NAV2: variants seen among roughly 807,000 people sequenced by gnomAD.
The protein encoded by NAV2 is helicase, APC down-regulated 1.
NAV2 carries 54 observed loss-of-function variants against 223.2 expected under a neutral mutation model. The observed-to-expected ratio is 0.24, with a 90% CI of 0.19 to 0.30. NAV2 has a LOEUF of 0.30. Ranked by LOEUF, NAV2 falls within the 10% of genes least tolerant of loss-of-function variation. The probability of loss-of-function intolerance (pLI) is 1.00; values close to 1 mark genes in which losing one functional copy is unlikely to be tolerated. For missense variants in NAV2, 2,806 were observed against 3,147.5 expected (o/e 0.89, Z 2.60); for synonymous variants, 1,279 against 1,239.3 (o/e 1.03, Z -0.67).
rs144642336 is a variant in NAV2 at position 19,897,886 on chromosome 11, T to TTTTATATATATATATATATATATATA, written c.931+5293_931+5294insTTATATATATATATATATATATATAT. Among the ~76,000 whole-genome samples the TTTTATATATATATATATATATATATA allele has an allele frequency of 1.1e-4, 13 of 120,680 alleles. No individual in the cohort carries two copies. In the South Asian group the frequency reaches 1.6e-3, roughly 15 times the overall value. 79.2% of individuals were successfully genotyped at this position (120,680 alleles called of 152,430 possible). Reference sequence around the variant, plus strand: ...GCCACAGCTGTGCCTGACCTGTGATTTATATATATATATATATATGTGAGC... The same window carrying TTTTATATATATATATATATATATATA: ...GCCACAGCTGTGCCTGACCTGTGATTTTTATATATATATATATATATATATATATATATATATATATATATGTGAGC... On this transcript the variant is annotated intron_variant, in intron 6 of 37. Coordinates refer to ENST00000349880, the MANE Select transcript of NAV2 (RefSeq NM_145117.5).
intron 3 of NAV2, among the ~76,000 whole-genome samples, chr11:19,854,243 C>T (rs1318055041): frequency 1.3e-5 from 2 of 151,974 alleles, no homozygotes; most frequent in East Asian, 1.9e-4. Context: ...AAAAATTTGC[C>T]GTGAAGTGGA....
chr11:19,932,742 T>C (rs2045495711), intron 6 of NAV2, among the ~76,000 whole-genome samples: 1 of 152,244 alleles, frequency 6.6e-6, no homozygotes, highest in African/African-American at 2.4e-5. Context: ...TTTTCTATTT[T>C]TGTAATTGTT....
At chr11:19,677,333 G>T (rs1389075547) in intron 1 of NAV2, among the ~76,000 whole-genome samples, 1 of 152,250 alleles carries the variant, frequency 6.6e-6, no homozygotes, top group Non-Finnish European at 1.5e-5. Context: ...GTGACAGCTT[G>T]CAGAGGTCCC....
chr11:19,788,704 G>T (rs1282115473), intron 1 of NAV2, among the ~76,000 whole-genome samples: 1 of 152,020 alleles, frequency 6.6e-6, no homozygotes, highest in Non-Finnish European at 1.5e-5. Flanking sequence ...ACCAGGCCCC[G>T]GCTGCACCAT....
intron 1 of NAV2, among the ~76,000 whole-genome samples, chr11:19,359,936 T>A (rs1853835960): frequency 1.3e-5 from 2 of 152,198 alleles, no homozygotes; most frequent in Admixed American, 1.3e-4. Context: ...CCTTCAAGGC[T>A]GATCCTCATT....
At chr11:19,745,877 A>G (rs1056293007) in intron 1 of NAV2, among the ~76,000 whole-genome samples, 5 of 152,190 alleles carry the variant, frequency 3.3e-5, no homozygotes, top group Admixed American at 6.5e-5. Flanking sequence ...AACAGGCCAT[A>G]CAATGGTACT....
intron 12 of NAV2, among the ~76,000 whole-genome samples, chr11:20,036,718 A>G (rs1482307466): frequency 6.6e-6 from 1 of 152,224 alleles, no homozygotes; most frequent in African/African-American, 2.4e-5. Flanking sequence ...GAGAAAAACA[A>G]AGATATTGCT....
Position 19,611,954 on chromosome 11 carries a change from T to C in NAV2, c.76-220530T>C, listed in dbSNP as rs59631598. The stretch of plus-strand genomic sequence containing the variant: ...TAGCAGAGGTTCTCCATGAGGGCAC[T>C]GCCCCTGCAGCAAACTTTTGCCTAG... On this transcript the variant is annotated intron_variant, in intron 1 of 37. Coordinates refer to the NAV2 transcript ENST00000360655. Among the ~76,000 whole-genome samples the C allele has an allele frequency of 6.0e-3, 917 of 152,356 alleles. 4 individuals carry two copies. The highest frequency in any genetic ancestry group is 0.02 in the African/African-American group (822 of 41,590).
chr11:20,106,175 A>ATATATATATATATGTG (rs11267537), intron 35 of NAV2, among the ~76,000 whole-genome samples: 2 of 35,842 alleles, frequency 5.6e-5, no homozygotes, highest in Non-Finnish European at 1.1e-4. Context: ...ATATATATAT[A>ATATATATATATATGTG]TGTGTGTGTA....
chr11:19,602,489 T>A (rs2046375203), intron 1 of NAV2, among the ~76,000 whole-genome samples: 1 of 152,144 alleles, frequency 6.6e-6, no homozygotes, highest in South Asian at 2.1e-4. Flanking sequence ...TCTCTGCAAG[T>A]CTTGAAGGGA....
intron 1 of NAV2, among the ~76,000 whole-genome samples, chr11:19,652,326 G>C (rs780777433): frequency 2.0e-5 from 3 of 152,134 alleles, no homozygotes; most frequent in Non-Finnish European, 4.4e-5. Context: ...GTGGGTTCTT[G>C]TGGGGTCCTG....
intron 1 of NAV2, among the ~76,000 whole-genome samples, chr11:19,583,969 T>C (rs2045809040): frequency 6.6e-6 from 1 of 152,254 alleles, no homozygotes; most frequent in Admixed American, 6.5e-5. Flanking sequence ...CTCCTCCTTG[T>C]ACCTCTGGTA....
chr11:19,660,174 C>T (rs188554555), intron 1 of NAV2, among the ~76,000 whole-genome samples: 3,241 of 152,236 alleles, frequency 0.021, 113 homozygotes, highest in African/African-American at 0.063. Context: ...AGGTTCAGTG[C>T]TGCAGAAAAT....
At chr11:19,482,931 A>G (rs952699197) in intron 1 of NAV2, among the ~76,000 whole-genome samples, 3 of 152,178 alleles carry the variant, frequency 2.0e-5, no homozygotes, top group African/African-American at 7.2e-5. Context: ...AGTTGTTCAT[A>G]GGGAGAGATG....
Position 19,713,440 on chromosome 11 carries a change from A to G in NAV2, c.-256A>G, listed in dbSNP as rs193023749. 7.4e-4 allele frequency: 940 copies of G among 1,272,922 alleles called. 8 individuals carry two copies. In the African/African-American group the frequency reaches 0.013, roughly 18 times the overall value. The allele number at this position is 1,272,922 out of a possible 1,614,324, so 78.9% of individuals were successfully genotyped here. On this transcript the variant is annotated 5_prime_UTR_variant, in exon 1 of 38. Coordinates refer to ENST00000349880, the MANE Select transcript of NAV2 (RefSeq NM_145117.5). This position sits in a 1 kb window ranked among gnomAD's most constrained non-coding sequence, Gnocchi z 7.2. ...AAAGGCCACCCAGGAGAGGTGTGAG[A>G]CCCGGCGGCAGCATCCGTCCAGGTG...
At position 20,008,481 on chromosome 11, in the gene NAV2, C is replaced by T. The variant is rs564190287; in HGVS notation, c.2768+24234C>T. ...AAAACTTCCAGAGAGCTTTTCCTGC[C>T]CCTTAACAGCCAAACAGAGACTTCA... On this transcript the variant is annotated intron_variant, in intron 11 of 37. Coordinates refer to ENST00000349880, the MANE Select transcript of NAV2 (RefSeq NM_145117.5). Among the ~76,000 whole-genome samples, 4 of 152,298 alleles carry T rather than the reference C, an allele frequency of 2.6e-5. No individual in the cohort carries two copies. In the East Asian group the frequency reaches 7.7e-4, roughly 29 times the overall value.
At chr11:19,975,229 T>A (rs1435435628) in intron 10 of NAV2, among the ~76,000 whole-genome samples, 1 of 152,220 alleles carries the variant, frequency 6.6e-6, no homozygotes. Context: ...ACACAGGAAC[T>A]GTCAATTTTC....
chr11:20,003,321 A>G (rs1222907820), intron 11 of NAV2, among the ~76,000 whole-genome samples: 3 of 152,188 alleles, frequency 2.0e-5, no homozygotes. Flanking sequence ...TTTTATCTGC[A>G]TATCCATTTA....
chr11:19,585,334 A>T (rs1280319734), intron 1 of NAV2, among the ~76,000 whole-genome samples: 1 of 152,032 alleles, frequency 6.6e-6, no homozygotes, highest in Non-Finnish European at 1.5e-5. Flanking sequence ...TCTTTATCCA[A>T]TTTGCCAGTC....
Sources: gnomAD v4.1 joint callset for allele counts (sites outside exome capture counted in the v4.1 genomes callset) on GRCh38, gnomAD v4.1.1 for gene constraint, Gnocchi (gnomAD v3.1) non-coding constraint, MANE v1.5 for transcripts, NCBI Gene and HGNC (gene_info 2026-07-23, HGNC 2026-07-21) for gene names.